Variants in FLNC observed in about 807,000 individuals in gnomAD.
FLNC encodes filamin C, also known as filamin-C.
In FLNC, 91 loss-of-function variants were observed where a neutral mutation model predicts 254.3. That is an observed-to-expected ratio of 0.36 (90% confidence interval 0.30 to 0.43). The LOEUF (loss-of-function observed/expected upper bound fraction) is 0.43, where lower values mean the gene tolerates loss of function less well. Among genes scored for constraint, FLNC ranks in the 20% least tolerant of loss-of-function variants. The probability of loss-of-function intolerance (pLI) is 1.00; values close to 1 mark genes in which losing one functional copy is unlikely to be tolerated. For missense variants in FLNC, 2,853 were observed against 3,802.6 expected, an observed-to-expected ratio of 0.75 and a Z score of 6.57; for synonymous variants, 1,430 against 1,577.2, an observed-to-expected ratio of 0.91 and a Z score of 2.21.
chr7:128,852,625 G>C lies in FLNC; in HGVS notation c.5877G>C (p.Val1959=), dbSNP rs538122991. 1 of 1,613,304 alleles carries C rather than the reference G, an allele frequency of 6.2e-7. No homozygotes were observed. The highest frequency in any genetic ancestry group is 1.1e-5 in the South Asian group (1 of 91,080). ...DDSMRTSQLN[V]GTSTDVSLKI... ...CCATGAGGACCTCACAGCTGAATGTGGGCACCTCCACGGACGTGTCACTGA... is the reference window on the plus strand; with the variant it reads ...CCATGAGGACCTCACAGCTGAATGTCGGCACCTCCACGGACGTGTCACTGA... The change falls in exon 36 of 48, where the codon GTG becomes GTC. Residue 1959 remains valine, a synonymous_variant. Transcript: ENST00000325888.
At chr7:128,846,607 G>C in intron 23 of FLNC, 138 bp from the exon 24 acceptor site, 1 of 1,357,562 alleles carries the variant, frequency 7.4e-7, no homozygotes, top group East Asian at 2.4e-5. Flanking sequence ...CAGGACCCCA[G>C]ATTGGCCCCT....
chr7:128,842,563 C>T lies in FLNC; in HGVS notation c.2266-12C>T, dbSNP rs761615639. Reference sequence around the variant, plus strand: ...GGGAGGGCACCACGCTGAGCTGCGACCCCTCCCGCAGGTGAACGTGGGCGA... The same window carrying T: ...GGGAGGGCACCACGCTGAGCTGCGATCCCTCCCGCAGGTGAACGTGGGCGA... On this transcript the variant is annotated splice_polypyrimidine_tract_variant and intron_variant, in intron 14 of 47. Transcript: ENST00000325888. The surrounding 1 kb of genome is among the most constrained non-coding windows in gnomAD (Gnocchi z 5.4). 40 of 1,548,552 alleles carry T rather than the reference C, an allele frequency of 2.6e-5. No individual in the cohort carries two copies. The highest frequency in any genetic ancestry group is 3.4e-5 in the Non-Finnish European group (39 of 1,146,670).
intron 1 of FLNC, 21 bp downstream of exon 1, chr7:128,831,010 C>T: frequency 6.3e-7 from 1 of 1,599,438 alleles, no homozygotes; most frequent in Non-Finnish European, 8.5e-7. Flanking sequence ...GGGGCGAGGG[C>T]ACGGGCGCTG....
chr7:128,844,753 G>A lies in FLNC; in HGVS notation c.3288G>A (p.Gly1096=), dbSNP rs1475749281. The part of the protein sequence containing the change: ...DTKGAGTGGL[G]LTVEGPCEAK... ...AGGGGGCTGGCACAGGTGGCCTGGG[G>A]CTGACCGTAGAGGGCCCCTGCGAGG... The change falls in exon 21 of 48, where the codon GGG becomes GGA. Residue 1096 remains glycine (G), a synonymous_variant. Coordinates refer to ENST00000325888, the MANE Select transcript of FLNC (RefSeq NM_001458.5). 6.2e-7 allele frequency: 1 copy of A among 1,614,008 alleles called. No homozygotes were observed. The highest frequency in any genetic ancestry group is 1.1e-5 in the South Asian group (1 of 91,088).
Position 128,853,564 on chromosome 7 carries a change from C to G in FLNC, c.6304C>G (p.Pro2102Ala). The G allele has an allele frequency of 6.2e-7, 1 of 1,613,890 alleles. No homozygotes were observed. Among genetic ancestry groups the G allele is most frequent in the Non-Finnish European group, 8.5e-7 (1 of 1,179,976 alleles). ...CGGGACATGCAAAGTCACCTACTGCCCCACCGAGCCCGGCACCTACATCAT... is the reference window on the plus strand; with the variant it reads ...CGGGACATGCAAAGTCACCTACTGCGCCACCGAGCCCGGCACCTACATCAT... ...EDGTCKVTYC[P>A]TEPGTYIINI... is the part of the protein sequence containing the mutation. The change falls in exon 38 of 48, where the codon CCC becomes GCC. Residue 2102 changes from proline to alanine, a missense_variant. Transcript: ENST00000325888.
rs779184516 is a variant in FLNC, at chr7:128,844,913, C to T, written c.3448C>T (p.Arg1150Trp). 1.1e-5 allele frequency: 17 copies of T among 1,613,818 alleles called. No individual in the cohort carries two copies. The highest frequency in any genetic ancestry group is 1.6e-4 in the Middle Eastern group (1 of 6,084). The change falls in exon 21 of 48, where the codon CGG becomes TGG. Residue 1150 changes from arginine (R) to tryptophan (W), a missense_variant. Transcript: ENST00000325888. ...IPGSPFKATIRPVFDPSKVRA... is the reference protein window; with the variant it reads ...IPGSPFKATIWPVFDPSKVRA... ...TGGCTCGCCCTTCAAAGCCACCATT[C>T]GGCCTGTGTTTGACCCGAGCAAGGT...
chr7:128,851,379 G>A lies in FLNC; in HGVS notation c.5668+19G>A, dbSNP rs765663163. The A allele has an allele frequency of 2.1e-5, 34 of 1,614,018 alleles. No homozygotes were observed. The Middle Eastern group carries it at 4.9e-4, about 23-fold the overall frequency. On this transcript the variant is annotated intron_variant, in intron 34 of 47. Coordinates refer to ENST00000325888, the MANE Select transcript of FLNC (RefSeq NM_001458.5). ...GGAGAAGGTGAGGGAGCTGCAGGTC[G>A]CAGGCTGGGGTGGAGACTCACCAGG...
Position 128,854,486 on chromosome 7 carries a change from C to T in FLNC, c.6801C>T (p.Val2267=), listed in dbSNP as rs768689551. ...GCAAGGTGGAAGCCGCAGAGATCGT[C>T]GAGGGCGAGGACAGCGCCTACAGCG... The part of the protein sequence containing the change: ...PSGKVEAAEI[V]EGEDSAYSVR... Residue 2267 remains valine (V), a synonymous_variant, in exon 41 of 48, where the codon GTC becomes GTT. Transcript: ENST00000325888. 13 of 1,606,630 alleles carry T rather than the reference C, an allele frequency of 8.1e-6. No individual in the cohort carries two copies. Among genetic ancestry groups the T allele is most frequent in the African/African-American group, 5.3e-5 (4 of 74,882 alleles).
chr7:128,854,724 G>A (rs926075307), intron 41 of FLNC, 42 bp downstream of exon 41: 2 of 1,613,164 alleles, frequency 1.2e-6, no homozygotes, highest in East Asian at 4.5e-5. Flanking sequence ...AGTCAGGGCA[G>A]CCAGTGTGAG....
At position 128,830,881 on chromosome 7, in the gene FLNC, A is replaced by C. The variant is rs2128932209; in HGVS notation, c.244A>C (p.Met82Leu). The part of the protein sequence containing the change: ...ALLEVLSQKR[M>L]YRKFHPRPNF... Reference sequence around the variant, plus strand: ...GCTCGAGGTGCTCAGCCAGAAGCGCATGTACCGCAAGTTCCATCCGCGCCC... The same window carrying C: ...GCTCGAGGTGCTCAGCCAGAAGCGCCTGTACCGCAAGTTCCATCCGCGCCC... The change falls in exon 1 of 48, where the codon ATG becomes CTG. Residue 82 changes from methionine (M) to leucine (L), a missense_variant. Coordinates refer to ENST00000325888, the MANE Select transcript of FLNC (RefSeq NM_001458.5). 6.2e-7 allele frequency: 1 copy of C among 1,613,144 alleles called. No individual in the cohort carries two copies. Among genetic ancestry groups the C allele is most frequent in the Non-Finnish European group, 8.5e-7 (1 of 1,179,952 alleles).
rs755736125 is a variant in FLNC, at chr7:128,853,585, A to G, written c.6325A>G (p.Ile2109Val). ...CTGCCCCACCGAGCCCGGCACCTAC[A>G]TCATCAACATCAAGTTTGCTGACAA... Reference protein sequence around the residue: ...TYCPTEPGTYIINIKFADKHV... With the variant: ...TYCPTEPGTYVINIKFADKHV... The change falls in exon 38 of 48, where the codon ATC (isoleucine) becomes GTC (valine). Residue 2109 changes from isoleucine (I) to valine (V), a missense_variant. Ile to Val is a conservative substitution (Grantham distance 29, BLOSUM62 3). Coordinates refer to ENST00000325888, the MANE Select transcript of FLNC (RefSeq NM_001458.5). 9.9e-6 allele frequency: 16 copies of G among 1,614,012 alleles called. No homozygotes were observed. Among genetic ancestry groups the G allele is most frequent in the Admixed American group, 1.7e-5 (1 of 60,008 alleles).
At position 128,846,871 on chromosome 7, in the gene FLNC, C is replaced by T. The variant is rs773306584; in HGVS notation, c.4254C>T (p.Asp1418=). 2.5e-5 allele frequency: 41 copies of T among 1,614,122 alleles called. No individual in the cohort carries two copies. Among genetic ancestry groups the T allele is most frequent in the Non-Finnish European group, 3.4e-5 (40 of 1,180,034 alleles). Residue 1418 remains aspartate (D), a synonymous_variant, in exon 24 of 48, where the codon GAC becomes GAT. Transcript: ENST00000325888. ...TCCCCTTCACTCCTGGAGACTATGACGTCAACATCACCTTCGGGGGGCGGC... is the reference window on the plus strand; with the variant it reads ...TCCCCTTCACTCCTGGAGACTATGATGTCAACATCACCTTCGGGGGGCGGC... ...EYIPFTPGDY[D]VNITFGGRPI...
In FLNC at chr7:128,842,862, G is replaced by A. The variant is rs965901086; in HGVS notation, c.2458G>A (p.Asp820Asn). The change falls in exon 16 of 48, where the codon GAC becomes AAC. Residue 820 changes from aspartate to asparagine, a missense_variant. Transcript: ENST00000325888. This position sits in a 1 kb window ranked among gnomAD's most constrained non-coding sequence, Gnocchi z 5.4. ...VGPAEADIDF[D>N]IIKNDNDTFT... ...CCCTGCAGAGGCTGACATTGACTTC[G>A]ACATCATCAAGAATGACAACGACAC... is the stretch of plus-strand genomic sequence containing the variant. The A allele has an allele frequency of 4.3e-6, 7 of 1,613,894 alleles. No individual in the cohort carries two copies. In the African/African-American group the frequency reaches 5.3e-5, roughly 12 times the overall value.
rs376051052 is a variant in FLNC at position 128,858,424 on chromosome 7, T to C, written c.8079T>C (p.Asn2693=). ...YVKHMGNRVY[N]VTYTVKEKGD... ...AGCACATGGGGAACCGGGTGTACAA[T>C]GTCACCTACACTGTCAAGGAGAAAG... is the stretch of plus-strand genomic sequence containing the variant. The change falls in exon 48 of 48, where the codon AAT becomes AAC. Residue 2693 remains asparagine, a synonymous_variant. Transcript: ENST00000325888. The surrounding 1 kb of genome is among the most constrained non-coding windows in gnomAD (Gnocchi z 6.7). The C allele has an allele frequency of 3.7e-5, 60 of 1,611,730 alleles. No individual in the cohort carries two copies. The highest frequency in any genetic ancestry group is 4.7e-5 in the Non-Finnish European group (55 of 1,178,322).
At position 128,842,503 on chromosome 7, in the gene FLNC, G is replaced by T. The variant is rs1224398357; in HGVS notation, c.2266-72G>T. The T allele has an allele frequency of 6.4e-7, 1 of 1,560,058 alleles. No individual in the cohort carries two copies. The highest frequency in any genetic ancestry group is 8.7e-7 in the Non-Finnish European group (1 of 1,152,472). On this transcript the variant is annotated intron_variant, in intron 14 of 47. Transcript: ENST00000325888. The surrounding 1 kb of genome is among the most constrained non-coding windows in gnomAD (Gnocchi z 5.4). ...GGCTTGGGCTGGTGCCACTGAGGCT[G>T]GGCCGGGTGCGCTGGGCAGGAGGAT...
At position 128,841,617 on chromosome 7, in the gene FLNC, C is replaced by A; in HGVS notation, c.2121+50C>A. The A allele has an allele frequency of 6.9e-7, 1 of 1,459,234 alleles. No individual in the cohort carries two copies. The highest frequency in any genetic ancestry group is 1.1e-5 in the South Asian group (1 of 87,908). 90.4% of individuals were successfully genotyped at this position (1,459,234 alleles called of 1,614,324 possible). ...GCCCTTACTACCCATGGCAGGGACC[C>A]TGGAAGGCAGGGCCAGGCCAGAGGC... is the stretch of plus-strand genomic sequence containing the variant. On this transcript the variant is annotated intron_variant, in intron 13 of 47. Coordinates refer to ENST00000325888, the MANE Select transcript of FLNC (RefSeq NM_001458.5). The surrounding 1 kb of genome is among the most constrained non-coding windows in gnomAD (Gnocchi z 4.3).
intron 10 of FLNC, 27 bp downstream of exon 10, chr7:128,840,701 T>A: frequency 6.2e-7 from 1 of 1,612,512 alleles, no homozygotes; most frequent in East Asian, 2.2e-5. Context: ...CCCCATGCTG[T>A]CCTGTCTAGG....
rs530325362 is a variant in FLNC, at chr7:128,836,484, C to T, written c.602-676C>T. Among the ~76,000 whole-genome samples, 1 of 152,358 alleles carries T rather than the reference C, an allele frequency of 6.6e-6. No homozygotes were observed. Among genetic ancestry groups the T allele is most frequent in the Admixed American group, 6.5e-5 (1 of 15,306 alleles). ...CTCCCCGAAACGGTGTGCCGTCCCC[C>T]TCCTCCAGCTCTGGCCTAAACCAAG... On this transcript the variant is annotated intron_variant, in intron 2 of 47. Coordinates refer to ENST00000325888, the MANE Select transcript of FLNC (RefSeq NM_001458.5). The surrounding 1 kb of genome is among the most constrained non-coding windows in gnomAD (Gnocchi z 6.0).
At position 128,856,525 on chromosome 7, in the gene FLNC, G is replaced by C. The variant is rs751914395; in HGVS notation, c.7259G>C (p.Gly2420Ala). 1 of 1,612,306 alleles carries C rather than the reference G, an allele frequency of 6.2e-7. No individual in the cohort carries two copies. The highest frequency in any genetic ancestry group is 2.2e-5 in the East Asian group (1 of 44,876). ...RLTVTSLQET[G>A]LKVNQPASFA... ...CCTCCGTGGCCTTTGCAGGAGACGG[G>C]GCTCAAGGTGAACCAGCCAGCGTCC... Residue 2420 changes from glycine (G) to alanine (A), a missense_variant, in exon 44 of 48, where the codon GGG becomes GCG. Around this residue, in one of 10 missense-constraint regions of FLNC, gnomAD observed 551 missense variants for 835.0 expected, o/e 0.66. Coordinates refer to ENST00000325888, the MANE Select transcript of FLNC (RefSeq NM_001458.5). The surrounding 1 kb of genome is among the most constrained non-coding windows in gnomAD (Gnocchi z 5.9).
Sources: gnomAD v4.1 joint callset for allele counts (sites outside exome capture counted in the v4.1 genomes callset) on GRCh38, gnomAD v4.1.1 for gene constraint, gnomAD v4.1.1 regional missense constraint, Gnocchi (gnomAD v3.1) non-coding constraint, MANE v1.5 for transcripts, NCBI Gene and HGNC (gene_info 2026-07-23, HGNC 2026-07-21) for gene names.